The following PHF21B variants were observed in gnomAD, a reference collection of about 807,000 sequenced individuals.
PHF21B encodes PHD finger protein 4.
Under a neutral mutation model 62.2 loss-of-function variants are expected in PHF21B, and 22 were observed. That is an observed-to-expected ratio of 0.35 (90% CI 0.25 to 0.51). The LOEUF (loss-of-function observed/expected upper bound fraction) is 0.51. Ranked by LOEUF, PHF21B falls within the 20% of genes least tolerant of loss-of-function variation. The pLI is 0.97. For synonymous variants in PHF21B, 341 were observed against 314.7 expected, an observed-to-expected ratio of 1.08 and a Z score of -0.88; for missense variants, 701 against 707.9, an observed-to-expected ratio of 0.99 and a Z score of 0.11.
chr22:44,964,808 C>A (rs370232282), intron 2 of PHF21B, among the ~76,000 whole-genome samples: 3 of 152,204 alleles, frequency 2.0e-5, no homozygotes, highest in Non-Finnish European at 4.4e-5. Context: ...CCTGACCTCC[C>A]GGAGACTCAC....
At chr22:44,947,465 C>T (rs997227964) in intron 2 of PHF21B, among the ~76,000 whole-genome samples, 4 of 152,212 alleles carry the variant, frequency 2.6e-5, no homozygotes, top group African/African-American at 9.6e-5. Context: ...CCTATAGAAC[C>T]TCTCAGCCAC....
chr22:44,999,606 C>T (rs183731381), intron 2 of PHF21B, among the ~76,000 whole-genome samples: 114 of 152,308 alleles, frequency 7.5e-4, no homozygotes, highest in South Asian at 2.1e-3. Context: ...TAACTCCACT[C>T]ATTTTTATCT....
intron 9 of PHF21B, 44 bp from the exon 10 acceptor site, chr22:44,888,165 G>A: frequency 6.9e-7 from 1 of 1,451,256 alleles, no homozygotes; most frequent in Non-Finnish European, 9.1e-7. Context: ...CCACAGCCAG[G>A]GCAGCGGGGG....
intron 9 of PHF21B, 87 bp from the exon 10 acceptor site, chr22:44,888,208 G>C (rs2058180100): frequency 7.4e-7 from 1 of 1,348,140 alleles, no homozygotes; most frequent in East Asian, 2.9e-5. Flanking sequence ...AGGCAGCTGT[G>C]TCTGACCTAC....
At chr22:44,885,777 C>T in intron 11 of PHF21B, 86 bp downstream of exon 11, 1 of 1,379,934 alleles carries the variant, frequency 7.2e-7, no homozygotes, top group Non-Finnish European at 1.0e-6. Context: ...CCCACCTGTC[C>T]TCCCACAGGA....
In PHF21B at chr22:45,008,560, C is replaced by G. The variant is rs2073368314; in HGVS notation, c.105G>C (p.Ala35=). 1 of 1,584,378 alleles carries G rather than the reference C, an allele frequency of 6.3e-7. No individual in the cohort carries two copies. The highest frequency in any genetic ancestry group is 1.3e-5 in the African/African-American group (1 of 74,478). ...CATCGCTTACTTGTTTGTCGCTGAGCGCGGCGATCCGCGGCTGCCTTTCGT... is the reference window on the plus strand; with the variant it reads ...CATCGCTTACTTGTTTGTCGCTGAGGGCGGCGATCCGCGGCTGCCTTTCGT... ...QLHERQPRIA[A]LSDKQALGTI... is the part of the protein sequence containing the mutation. The change falls in exon 2 of 13, where the codon GCG becomes GCC. Residue 35 remains alanine (A), a synonymous_variant. Transcript: ENST00000313237.
rs1025127221 is a variant in PHF21B at position 44,896,884 on chromosome 22, T to TTTTTTTTTTTG, written c.832-802_832-801insCAAAAAAAAAA. 7.6e-5 allele frequency among the ~76,000 whole-genome samples: 6 copies of TTTTTTTTTTTG among 78,854 alleles called. 1 individual carries two copies. Among genetic ancestry groups the TTTTTTTTTTTG allele is most frequent in the Admixed American group, 1.5e-4 (1 of 6,482 alleles). 51.7% of individuals were successfully genotyped at this position (78,854 alleles called of 152,430 possible). A position where few individuals can be genotyped will look rare whatever the true frequency, so the allele number is the denominator to read the frequency against. ...GGGTGGCACTTAGTTTTATCTGTTT[T>TTTTTTTTTTTG]TTTTTTTTTTTTGAGACAGGTTCTC... is the stretch of plus-strand genomic sequence containing the variant. On this transcript the variant is annotated intron_variant, in intron 5 of 12. Transcript: ENST00000313237.
chr22:44,973,158 G>A (rs947331524), intron 2 of PHF21B, among the ~76,000 whole-genome samples: 1 of 152,176 alleles, frequency 6.6e-6, no homozygotes, highest in African/African-American at 2.4e-5. Flanking sequence ...TCCCCGAGGG[G>A]CTGCATTCCC....
At chr22:44,949,031 G>A (rs559433311) in intron 2 of PHF21B, among the ~76,000 whole-genome samples, 11 of 152,218 alleles carry the variant, frequency 7.2e-5, no homozygotes, top group South Asian at 2.1e-4. Flanking sequence ...GGCCGGGCGC[G>A]GTGGCTCACG....
rs1361266749 is a variant in PHF21B, at chr22:44,991,452, C to G, written c.120+17093G>C. On this transcript the variant is annotated intron_variant, in intron 2 of 12. Transcript: ENST00000313237. ...ACCAAGACGACAGGCAGACTTGTGA[C>G]AGATGATCCCACTGAGCGTCCTCCC... 2.6e-5 allele frequency among the ~76,000 whole-genome samples: 4 copies of G among 152,108 alleles called. No homozygotes were observed. The East Asian group carries it at 7.7e-4, about 29-fold the overall frequency.
At chr22:45,008,711 G>A in intron 1 of PHF21B, 101 bp from the exon 2 acceptor site, 2 of 1,183,370 alleles carry the variant, frequency 1.7e-6, no homozygotes, top group East Asian at 3.7e-5. Context: ...CCCACGGGCG[G>A]GGCCGGCCGC....
chr22:44,883,003 T>G lies in PHF21B; in HGVS notation c.*83A>C. On this transcript the variant is annotated 3_prime_UTR_variant, in exon 13 of 13. Coordinates refer to ENST00000313237, the MANE Select transcript of PHF21B (RefSeq NM_138415.5). ...TTTTGTCTGAAATTCATAGTGTTTA[T>G]GAATTAAGGCCGACAGAACCCCCAG... 1.4e-6 allele frequency: 2 copies of G among 1,416,432 alleles called. No individual in the cohort carries two copies. The highest frequency in any genetic ancestry group is 9.5e-7 in the Non-Finnish European group (1 of 1,051,472). 87.7% of individuals were successfully genotyped at this position (1,416,432 alleles called of 1,614,324 possible). A position where few individuals can be genotyped will look rare whatever the true frequency, so the allele number is the denominator to read the frequency against.
intron 7 of PHF21B, among the ~76,000 whole-genome samples, chr22:44,892,289 C>T (rs2070980031): frequency 6.6e-6 from 1 of 152,224 alleles, no homozygotes; most frequent in African/African-American, 2.4e-5. Flanking sequence ...TATGAAACGG[C>T]CCACGTGGAG....
rs2070745049 is a variant in PHF21B at position 44,881,755 on chromosome 22, GC to G, written c.*1330del. On this transcript the variant is annotated 3_prime_UTR_variant, in exon 13 of 13. Coordinates refer to ENST00000313237, the MANE Select transcript of PHF21B (RefSeq NM_138415.5). ...ACCATGTGATATGCTCGGGGTGGGA[GC>G]CCGTGGCTCCTGGACGCTTATCCTG... 1.3e-5 allele frequency: 2 copies of G among 152,834 alleles called. No individual in the cohort carries two copies. Among genetic ancestry groups the G allele is most frequent in the South Asian group, 4.1e-4 (2 of 4,828 alleles). 9.5% of individuals were successfully genotyped at this position (152,834 alleles called of 1,614,324 possible).
intron 2 of PHF21B, among the ~76,000 whole-genome samples, chr22:44,992,588 G>A (rs562750013): frequency 3.7e-4 from 57 of 152,360 alleles, no homozygotes; most frequent in African/African-American, 1.4e-3. Context: ...ATCTCTGCGC[G>A]TGCACGTGTG....
chr22:44,963,642 A>C (rs1197081447), intron 2 of PHF21B, among the ~76,000 whole-genome samples: 1 of 152,188 alleles, frequency 6.6e-6, no homozygotes, highest in Non-Finnish European at 1.5e-5. Flanking sequence ...CTTTGTTTTA[A>C]CTCAGAGAAC....
rs992712303 is a variant in PHF21B at position 44,881,362 on chromosome 22, C to CAATGTAACA, written c.*1723_*1724insTGTTACATT. The CAATGTAACA allele has an allele frequency of 6.6e-6, 1 of 152,670 alleles. No homozygotes were observed. Among genetic ancestry groups the CAATGTAACA allele is most frequent in the African/African-American group, 2.4e-5 (1 of 41,442 alleles). 9.5% of individuals were successfully genotyped at this position (152,670 alleles called of 1,614,324 possible). On this transcript the variant is annotated 3_prime_UTR_variant, in exon 13 of 13. Transcript: ENST00000313237. ...AGATCCTCCCATTACACTGTTAAAA[C>CAATGTAACA]ATGTAACTCAATCCATCCGCGAAGA...
chr22:44,916,634 G>T lies in PHF21B; in HGVS notation c.214-4C>A, dbSNP rs776290410. The T allele has an allele frequency of 1.6e-5, 25 of 1,599,924 alleles. No individual in the cohort carries two copies. The African/African-American group carries it at 2.8e-4, about 18-fold the overall frequency. On this transcript the variant is annotated splice_polypyrimidine_tract_variant and splice_region_variant and intron_variant, in intron 3 of 12. Transcript: ENST00000313237. ...GAATCAGAGTCTTTGGCCTAACCTG[G>T]GAAGAAGGGACAGGTATGTGGTCAG...
intron 5 of PHF21B, among the ~76,000 whole-genome samples, chr22:44,899,431 T>C (rs1470829298): frequency 2.0e-5 from 3 of 151,966 alleles, no homozygotes; most frequent in Admixed American, 2.0e-4. Context: ...GCTGGGATTA[T>C]GGGTGCCTGC....
Sources: gnomAD v4.1 joint callset for allele counts (sites outside exome capture counted in the v4.1 genomes callset) on GRCh38, gnomAD v4.1.1 for gene constraint, MANE v1.5 for transcripts, NCBI Gene and HGNC (gene_info 2026-07-23, HGNC 2026-07-21) for gene names.